LMX1A: variants seen among roughly 807,000 people sequenced by gnomAD.
LMX1A encodes LIM homeobox transcription factor 1-alpha.
A neutral mutation model predicts 49.1 loss-of-function variants in LMX1A; 15 were observed. That is an observed-to-expected ratio of 0.31 (90% CI 0.20 to 0.47). The LOEUF (loss-of-function observed/expected upper bound fraction) is 0.47, where lower values mean the gene tolerates loss of function less well. Among genes scored for constraint, LMX1A ranks in the 20% least tolerant of loss-of-function variants. The pLI, the probability that LMX1A is intolerant of heterozygous loss-of-function variation, is 1.00. For missense variants in LMX1A, 372 were observed against 475.8 expected (o/e 0.78, Z 2.03); for synonymous variants, 167 against 185.7 (o/e 0.90, Z 0.82).
At chr1:165,336,842 C>A (rs1655912722) in intron 3 of LMX1A, among the ~76,000 whole-genome samples, 1 of 152,142 alleles carries the variant, frequency 6.6e-6, no homozygotes, top group South Asian at 2.1e-4. Flanking sequence ...AGATTAAAAT[C>A]TGATGGGGAG....
chr1:165,351,233 T>C (rs1299555298), intron 3 of LMX1A, among the ~76,000 whole-genome samples: 1 of 152,150 alleles, frequency 6.6e-6, no homozygotes, highest in African/African-American at 2.4e-5. Flanking sequence ...CCAATACTTG[T>C]GAATTTGCTA....
At chr1:165,223,397 G>C (rs1023376598) in intron 4 of LMX1A, among the ~76,000 whole-genome samples, 17 of 152,166 alleles carry the variant, frequency 1.1e-4, no homozygotes, top group Admixed American at 1.0e-3. Context: ...TCCAGCTTCA[G>C]TGTGCCTACT....
chr1:165,234,819 T>A (rs1402465030), intron 4 of LMX1A, among the ~76,000 whole-genome samples: 1 of 152,220 alleles, frequency 6.6e-6, no homozygotes, highest in Non-Finnish European at 1.5e-5. Context: ...GTTTCTGGAA[T>A]TTTTCAGATA....
At chr1:165,351,489 C>T (rs1327996148) in intron 3 of LMX1A, among the ~76,000 whole-genome samples, 1 of 152,208 alleles carries the variant, frequency 6.6e-6, no homozygotes, top group Non-Finnish European at 1.5e-5. Context: ...ACAGTCACAT[C>T]TTCTCTCAAA....
intron 3 of LMX1A, among the ~76,000 whole-genome samples, chr1:165,340,270 T>A: frequency 6.6e-6 from 1 of 151,922 alleles, no homozygotes. Flanking sequence ...ACCTGGCTAA[T>A]GTTTTTGTTT....
intron 3 of LMX1A, 66 bp from the exon 4 acceptor site, chr1:165,249,706 C>T (rs540381974): frequency 4.8e-5 from 56 of 1,178,462 alleles, no homozygotes; most frequent in Admixed American, 3.6e-4. Context: ...TGGGTCTCCC[C>T]TGAAGTCAAC....
intron 4 of LMX1A, among the ~76,000 whole-genome samples, chr1:165,235,140 G>C (rs1429244809): frequency 7.0e-6 from 1 of 143,128 alleles, no homozygotes; most frequent in Non-Finnish European, 1.5e-5. Flanking sequence ...GCATGAAGGA[G>C]AGACAGTTAG....
chr1:165,281,525 AAG>A (rs1171356303), intron 3 of LMX1A, among the ~76,000 whole-genome samples: 1 of 152,236 alleles, frequency 6.6e-6, no homozygotes, highest in Non-Finnish European at 1.5e-5. Flanking sequence ...CAGGAGACTG[AAG>A]AGACTCCAGG....
At chr1:165,251,225 G>A (rs1370583427) in intron 3 of LMX1A, among the ~76,000 whole-genome samples, 1 of 151,992 alleles carries the variant, frequency 6.6e-6, no homozygotes, top group African/African-American at 2.4e-5. Flanking sequence ...TGGGATTAAA[G>A]GTGCATGTCA....
At chr1:165,343,254 A>G (rs1348868399) in intron 3 of LMX1A, among the ~76,000 whole-genome samples, 3 of 152,162 alleles carry the variant, frequency 2.0e-5, no homozygotes, top group Non-Finnish European at 4.4e-5. Flanking sequence ...ACCCTTGCCC[A>G]TGGTAACACA....
chr1:165,292,655 CA>C (rs1654507114), intron 3 of LMX1A, among the ~76,000 whole-genome samples: 2 of 152,258 alleles, frequency 1.3e-5, no homozygotes, highest in African/African-American at 4.8e-5. Context: ...AAATAGGCAG[CA>C]TTCATTTGCT....
rs1652194610 is a variant in LMX1A at position 165,230,313 on chromosome 1, C to CT, written c.497-16501dup. Among the ~76,000 whole-genome samples, 3 of 152,312 alleles carry CT rather than the reference C, an allele frequency of 2.0e-5. No homozygotes were observed. In the East Asian group the frequency reaches 5.8e-4, roughly 29 times the overall value. ...GAACAGAAATCTCTCAGTTTATGTT[C>CT]TTTTTGCATAATGATTTCTGTCTAA... is the stretch of plus-strand genomic sequence containing the variant. On this transcript the variant is annotated intron_variant, in intron 4 of 8. Coordinates refer to ENST00000342310, the MANE Select transcript of LMX1A (RefSeq NM_177398.4).
chr1:165,321,579 A>T (rs1655386795), intron 3 of LMX1A, among the ~76,000 whole-genome samples: 1 of 152,186 alleles, frequency 6.6e-6, no homozygotes, highest in Admixed American at 6.5e-5. Context: ...TCAAGAACCC[A>T]CCATGCCTTA....
chr1:165,237,581 A>G (rs539023764), intron 4 of LMX1A, among the ~76,000 whole-genome samples: 1 of 152,160 alleles, frequency 6.6e-6, no homozygotes, highest in African/African-American at 2.4e-5. Context: ...AAACAAAAAC[A>G]AAACAAAACA....
intron 4 of LMX1A, among the ~76,000 whole-genome samples, chr1:165,237,087 G>A (rs1332686753): frequency 1.3e-5 from 2 of 152,112 alleles, no homozygotes; most frequent in Non-Finnish European, 2.9e-5. Flanking sequence ...ACTTCTATGT[G>A]TTCCACACCC....
chr1:165,307,231 G>C (rs550005280), intron 3 of LMX1A, among the ~76,000 whole-genome samples: 1 of 152,334 alleles, frequency 6.6e-6, no homozygotes, highest in Non-Finnish European at 1.5e-5. Flanking sequence ...AAGAGAAAAA[G>C]AAAGTGGGAG....
At chr1:165,268,716 C>T (rs1653698909) in intron 3 of LMX1A, among the ~76,000 whole-genome samples, 1 of 152,208 alleles carries the variant, frequency 6.6e-6, no homozygotes, top group Non-Finnish European at 1.5e-5. Context: ...TGAATTTCTT[C>T]AACTGTAAAA....
chr1:165,207,193 A>G (rs1303025488), intron 7 of LMX1A, among the ~76,000 whole-genome samples: 1 of 152,252 alleles, frequency 6.6e-6, no homozygotes, highest in Non-Finnish European at 1.5e-5. Context: ...CGTGCATATT[A>G]AAATGTAAGA....
intron 3 of LMX1A, among the ~76,000 whole-genome samples, chr1:165,267,841 T>C (rs1653674941): frequency 6.6e-6 from 1 of 152,136 alleles, no homozygotes; most frequent in Admixed American, 6.5e-5. Context: ...GAGGAAGACA[T>C]GTCTAGGGAG....
Sources: gnomAD v4.1 joint callset for allele counts (sites outside exome capture counted in the v4.1 genomes callset) on GRCh38, gnomAD v4.1.1 for gene constraint, MANE v1.5 for transcripts, NCBI Gene and HGNC (gene_info 2026-07-23, HGNC 2026-07-21) for gene names.